The following FAM222A variants were observed in gnomAD, a reference collection of about 807,000 sequenced individuals.
The protein encoded by FAM222A is protein FAM222A.
A neutral mutation model predicts 25.8 loss-of-function variants in FAM222A; 7 were observed. The observed-to-expected ratio is 0.27, with a 90% CI of 0.15 to 0.51. The LOEUF (loss-of-function observed/expected upper bound fraction) is 0.51, where lower values mean the gene tolerates loss of function less well. FAM222A is among the 20% of genes least tolerant of loss of function. The probability of loss-of-function intolerance (pLI) is 0.97; values close to 1 mark genes in which losing one functional copy is unlikely to be tolerated. For missense variants in FAM222A, 573 were observed against 640.5 expected (o/e 0.89, Z 1.14); for synonymous variants, 294 against 298.8 (o/e 0.98, Z 0.17).
At chr12:109,759,313 G>A (rs1888823055) in intron 2 of FAM222A, among the ~76,000 whole-genome samples, 1 of 152,134 alleles carries the variant, frequency 6.6e-6, no homozygotes, top group Non-Finnish European at 1.5e-5. Context: ...GCCCTGCCTG[G>A]CTCACTCTGC....
intron 2 of FAM222A, among the ~76,000 whole-genome samples, chr12:109,764,830 T>C (rs1474097480): frequency 1.3e-5 from 2 of 152,234 alleles, no homozygotes; most frequent in Non-Finnish European, 2.9e-5. Context: ...CCCATGAAAT[T>C]GCTTGTATAA....
chr12:109,720,386 A>G (rs1358482405), intron 1 of FAM222A, among the ~76,000 whole-genome samples: 3 of 152,236 alleles, frequency 2.0e-5, no homozygotes, highest in Non-Finnish European at 4.4e-5. Flanking sequence ...TGTCTGCTCC[A>G]GGATTCGCTG....
intron 1 of FAM222A, chr12:109,735,659 C>T (rs1196785793): frequency 6.6e-6 from 1 of 152,224 alleles, no homozygotes; most frequent in African/African-American, 2.4e-5. Context: ...CCCTCCTTCC[C>T]TCTTTTGGTC....
At chr12:109,737,748 A>G (rs1260468668) in intron 1 of FAM222A, among the ~76,000 whole-genome samples, 2 of 152,174 alleles carry the variant, frequency 1.3e-5, no homozygotes, top group Non-Finnish European at 2.9e-5. Flanking sequence ...AGAGATCAGG[A>G]GAGGGGTTAA....
chr12:109,730,593 T>A (rs1251007285), intron 1 of FAM222A, among the ~76,000 whole-genome samples: 1 of 152,180 alleles, frequency 6.6e-6, no homozygotes, highest in Non-Finnish European at 1.5e-5. Context: ...GAAGGACCCC[T>A]CTTCTCTGGG....
chr12:109,768,803 C>T lies in FAM222A; in HGVS notation c.874C>T (p.Pro292Ser). ...GGATTACCTGCTGTGGCCGCAGAAA[C>T]CGCCCCCACCGCCGCCCCAGCCACT... is the stretch of plus-strand genomic sequence containing the variant. ...GLDYLLWPQK[P>S]PPPPPQPLRA... Residue 292 changes from proline to serine, a missense_variant, in exon 3 of 3, where the codon CCG becomes TCG. Pro to Ser is a moderately conservative substitution (Grantham distance 74). Coordinates refer to ENST00000538780, the MANE Select transcript of FAM222A (RefSeq NM_032829.3). The T allele has an allele frequency of 6.4e-7, 1 of 1,571,136 alleles. No individual in the cohort carries two copies. The highest frequency in any genetic ancestry group is 8.6e-7 in the Non-Finnish European group (1 of 1,164,694).
chr12:109,766,101 G>A (rs548360172), intron 2 of FAM222A, among the ~76,000 whole-genome samples: 104 of 152,232 alleles, frequency 6.8e-4, no homozygotes, highest in Admixed American at 1.6e-3. Flanking sequence ...AGCCCCCGGC[G>A]CCTCCATTCC....
At chr12:109,720,259 G>T (rs759928580) in intron 1 of FAM222A, 1 of 881,606 alleles carries the variant, frequency 1.1e-6, no homozygotes, top group Non-Finnish European at 1.4e-6. Flanking sequence ...GGGTGAGGCC[G>T]AGACTAGCTG....
chr12:109,744,560 A>G (rs1394285355), intron 2 of FAM222A: 2 of 985,262 alleles, frequency 2.0e-6, no homozygotes, highest in African/African-American at 1.7e-5. Flanking sequence ...TACCACCATT[A>G]AAGTAGGATG....
chr12:109,736,850 A>T (rs980078662), intron 1 of FAM222A, among the ~76,000 whole-genome samples: 55 of 152,048 alleles, frequency 3.6e-4, no homozygotes, highest in African/African-American at 1.2e-3. Context: ...CAGGCCCAGG[A>T]ATGGCCACCT....
intron 1 of FAM222A, chr12:109,743,900 C>T: frequency 1.0e-6 from 1 of 985,452 alleles, no homozygotes; most frequent in Non-Finnish European, 1.2e-6. Flanking sequence ...GCCCTGGATT[C>T]TGTCCCTTCC....
chr12:109,761,013 A>AGGGCAGGCACTGAGCT (rs1845929739), intron 2 of FAM222A, among the ~76,000 whole-genome samples: 1 of 152,188 alleles, frequency 6.6e-6, no homozygotes, highest in African/African-American at 2.4e-5. Context: ...GCCCCCACTG[A>AGGGCAGGCACTGAGCT]GGGCAGGCAC....
intron 2 of FAM222A, among the ~76,000 whole-genome samples, chr12:109,748,330 CTTTCTTTTTTTTTTT>C (rs1289216473): frequency 4.9e-5 from 2 of 40,446 alleles, no homozygotes; most frequent in Admixed American, 2.7e-4. Context: ...CTTTGGTTTT[CTTTCTTTTTTTTTTT>C]TTTTTTTTTG....
At chr12:109,718,508 G>A (rs1045734278) in intron 1 of FAM222A, among the ~76,000 whole-genome samples, 4 of 152,166 alleles carry the variant, frequency 2.6e-5, no homozygotes. Context: ...GGGCGGGGGT[G>A]AGAACGAGGA....
At chr12:109,749,405 C>T (rs1402799865) in intron 2 of FAM222A, among the ~76,000 whole-genome samples, 1 of 152,158 alleles carries the variant, frequency 6.6e-6, no homozygotes, top group African/African-American at 2.4e-5. Context: ...CACGCCCAGC[C>T]TTGTGTTTTA....
At chr12:109,716,812 C>T (rs992691593) in intron 1 of FAM222A, among the ~76,000 whole-genome samples, 7 of 152,260 alleles carry the variant, frequency 4.6e-5, no homozygotes, top group Non-Finnish European at 8.8e-5. Flanking sequence ...TGGCACTCAG[C>T]GTGCCAGACG....
intron 1 of FAM222A, among the ~76,000 whole-genome samples, chr12:109,737,964 G>T (rs1259952663): frequency 6.6e-6 from 1 of 152,164 alleles, no homozygotes; most frequent in Non-Finnish European, 1.5e-5. Flanking sequence ...GACAAGCGGG[G>T]TGGGAGAGAG....
chr12:109,723,617 C>T (rs979956977), intron 1 of FAM222A, among the ~76,000 whole-genome samples: 3 of 152,266 alleles, frequency 2.0e-5, no homozygotes, highest in African/African-American at 7.2e-5. Context: ...CAGGGAAGCC[C>T]TGCCAAGCCC....
chr12:109,727,017 G>A (rs1887856308), intron 1 of FAM222A, among the ~76,000 whole-genome samples: 2 of 152,166 alleles, frequency 1.3e-5, no homozygotes, highest in Non-Finnish European at 2.9e-5. Flanking sequence ...GCTGGGAGGT[G>A]GGGATGCTGA....
Sources: gnomAD v4.1 joint callset for allele counts (sites outside exome capture counted in the v4.1 genomes callset) on GRCh38, gnomAD v4.1.1 for gene constraint, MANE v1.5 for transcripts, NCBI Gene and HGNC (gene_info 2026-07-23, HGNC 2026-07-21) for gene names.